WWOX: variants seen among roughly 807,000 people sequenced by gnomAD.
WWOX encodes the protein WW domain containing oxidoreductase, also known as WW domain-containing oxidoreductase.
WWOX carries 69 observed loss-of-function variants against 46.2 expected under a neutral mutation model. That is an observed-to-expected ratio of 1.49 (90% CI 1.23 to 1.82). The LOEUF (loss-of-function observed/expected upper bound fraction) is 1.82. WWOX is among the 40% of genes most tolerant of loss of function. The pLI is 0.00. For missense variants in WWOX, 919 were observed against 542.6 expected, an observed-to-expected ratio of 1.69 and a Z score of -6.89; for synonymous variants, 359 against 202.6, an observed-to-expected ratio of 1.77 and a Z score of -6.56.
intron 8 of WWOX, among the ~76,000 whole-genome samples, chr16:78,590,236 C>A (rs1036784393): frequency 2.0e-5 from 3 of 151,892 alleles, no homozygotes; most frequent in Non-Finnish European, 4.4e-5. Context: ...CTGGAAAATT[C>A]AAGATCAAGA....
At chr16:78,534,558 G>A (rs1381326531) in intron 8 of WWOX, 1 of 152,156 alleles carries the variant, frequency 6.6e-6, no homozygotes. Flanking sequence ...GAGAAGGTAT[G>A]ACAAACATTC....
chr16:78,593,227 G>C (rs2045393103), intron 8 of WWOX, among the ~76,000 whole-genome samples: 1 of 151,178 alleles, frequency 6.6e-6, no homozygotes, highest in Non-Finnish European at 1.5e-5. Context: ...TATGTGTATA[G>C]ATGGGATTTC....
At chr16:78,696,886 C>T (rs974811168) in intron 8 of WWOX, among the ~76,000 whole-genome samples, 6 of 152,164 alleles carry the variant, frequency 3.9e-5, no homozygotes, top group African/African-American at 1.2e-4. Flanking sequence ...CATAGCTTAG[C>T]TCCCACTTAT....
At chr16:78,810,127 C>T (rs2051148070) in intron 8 of WWOX, among the ~76,000 whole-genome samples, 2 of 152,212 alleles carry the variant, frequency 1.3e-5, no homozygotes, top group African/African-American at 2.4e-5. Context: ...AAGAGGAGCC[C>T]TCATACAGTT....
chr16:78,535,469 A>G (rs1429413435), intron 8 of WWOX: 2 of 152,246 alleles, frequency 1.3e-5, no homozygotes, highest in African/African-American at 4.8e-5. Context: ...AGTGTCCACC[A>G]TCCCTGCAGC....
intron 8 of WWOX, among the ~76,000 whole-genome samples, chr16:79,030,570 G>T (rs963037625): frequency 6.6e-6 from 1 of 152,190 alleles, no homozygotes; most frequent in Non-Finnish European, 1.5e-5. Context: ...TCATATGAGG[G>T]CTGTCTTGGT....
chr16:78,682,172 C>G (rs2047745204), intron 8 of WWOX, among the ~76,000 whole-genome samples: 1 of 152,164 alleles, frequency 6.6e-6, no homozygotes, highest in African/African-American at 2.4e-5. Flanking sequence ...ATTTTTTACA[C>G]CTACAAATCA....
intron 5 of WWOX, among the ~76,000 whole-genome samples, chr16:78,195,872 A>G (rs2036036621): frequency 6.6e-6 from 1 of 150,978 alleles, no homozygotes; most frequent in Non-Finnish European, 1.5e-5. Context: ...GTGGAATATG[A>G]GACAAATGAA....
intron 8 of WWOX, among the ~76,000 whole-genome samples, chr16:78,865,794 C>T (rs187646875): frequency 5.3e-5 from 8 of 152,294 alleles, no homozygotes; most frequent in Non-Finnish European, 1.0e-4. Flanking sequence ...GCAGGAGAAT[C>T]ACTTGAACTC....
chr16:78,209,138 T>C (rs2036481132), intron 5 of WWOX, among the ~76,000 whole-genome samples: 1 of 152,198 alleles, frequency 6.6e-6, no homozygotes, highest in African/African-American at 2.4e-5. Flanking sequence ...ATTTTTAAAA[T>C]AGGTTATAAA....
intron 5 of WWOX, chr16:78,167,495 CG>C (rs2035011426): frequency 6.6e-6 from 1 of 152,222 alleles, no homozygotes; most frequent in Middle Eastern, 3.4e-3. Flanking sequence ...CATTCACCGT[CG>C]GGGACACAGA....
chr16:78,693,501 A>G (rs760059013), intron 8 of WWOX, among the ~76,000 whole-genome samples: 6 of 152,194 alleles, frequency 3.9e-5, no homozygotes, highest in Non-Finnish European at 8.8e-5. Context: ...TAATACAAAT[A>G]TAATAGAAAT....
intron 8 of WWOX, among the ~76,000 whole-genome samples, chr16:78,993,516 C>T (rs974588173): frequency 3.3e-5 from 5 of 152,164 alleles, no homozygotes; most frequent in Non-Finnish European, 7.3e-5. Context: ...ACGCAGGAGC[C>T]TCAGTCCTCA....
chr16:79,071,390 A>C (rs564587359), intron 8 of WWOX, among the ~76,000 whole-genome samples: 1 of 152,352 alleles, frequency 6.6e-6, no homozygotes, highest in South Asian at 2.1e-4. Flanking sequence ...AGGGTGTGAA[A>C]TACAGAAGGG....
chr16:78,584,262 G>C (rs1421635438), intron 8 of WWOX, among the ~76,000 whole-genome samples: 1 of 152,152 alleles, frequency 6.6e-6, no homozygotes, highest in African/African-American at 2.4e-5. Flanking sequence ...ATTGTAAGAA[G>C]TGCTTTACAT....
Position 78,342,446 on chromosome 16 carries a change from G to T in WWOX, c.517-44414G>T, listed in dbSNP as rs1399816255. ...AAGGACTCTGTAACAGGATGAAGCA[G>T]CATTTTTTATGGGCAGGTTTGCACG... On this transcript the variant is annotated intron_variant, in intron 5 of 8. Transcript: ENST00000566780. 6.6e-5 allele frequency among the ~76,000 whole-genome samples: 8 copies of T among 120,672 alleles called. 1 individual carries two copies. Among genetic ancestry groups the T allele is most frequent in the African/African-American group, 2.2e-4 (8 of 35,564 alleles). 79.2% of individuals were successfully genotyped at this position (120,672 alleles called of 152,430 possible). A position where few individuals can be genotyped will look rare whatever the true frequency, so the allele number is the denominator to read the frequency against.
intron 8 of WWOX, among the ~76,000 whole-genome samples, chr16:78,901,730 C>T (rs1057372507): frequency 6.6e-6 from 1 of 152,234 alleles, no homozygotes; most frequent in Non-Finnish European, 1.5e-5. Flanking sequence ...CTTAAGCGAT[C>T]CACCTGCCAT....
At chr16:78,649,960 A>C (rs902916732) in intron 8 of WWOX, among the ~76,000 whole-genome samples, 1 of 152,164 alleles carries the variant, frequency 6.6e-6, no homozygotes, top group Non-Finnish European at 1.5e-5. Flanking sequence ...CATTTCTCTT[A>C]TCTGTAATTC....
At chr16:78,633,829 G>A (rs577856359) in intron 8 of WWOX, among the ~76,000 whole-genome samples, 2 of 152,240 alleles carry the variant, frequency 1.3e-5, no homozygotes, top group Admixed American at 6.5e-5. Flanking sequence ...AACGGGGATT[G>A]GGACCTGTTT....
Sources: gnomAD v4.1 joint callset for allele counts (sites outside exome capture counted in the v4.1 genomes callset) on GRCh38, gnomAD v4.1.1 for gene constraint, MANE v1.5 for transcripts, NCBI Gene and HGNC (gene_info 2026-07-23, HGNC 2026-07-21) for gene names.